Variants in KLF12 observed in about 807,000 individuals in gnomAD.
KLF12 encodes Krueppel-like factor 12.
A neutral mutation model predicts 37.8 loss-of-function variants in KLF12; 9 were observed. The observed-to-expected ratio is 0.24, with a 90% confidence interval of 0.14 to 0.42. The LOEUF is 0.42. Among genes scored for constraint, KLF12 ranks in the 10% least tolerant of loss-of-function variants. The pLI, the probability that KLF12 is intolerant of heterozygous loss-of-function variation, is 1.00. For missense variants in KLF12, 411 were observed against 516.0 expected (o/e 0.80, Z 1.97); for synonymous variants, 208 against 202.1 (o/e 1.03, Z -0.25).
chr13:74,264,059 A>T, the KLF12 span, among the ~76,000 whole-genome samples: 1 of 152,222 alleles, frequency 6.6e-6, no homozygotes, highest in Non-Finnish European at 1.5e-5. Context: ...AAAAGCAGTG[A>T]AAATGCAGTT....
intron 2 of KLF12, among the ~76,000 whole-genome samples, chr13:73,960,899 A>T (rs920706480): frequency 1.3e-5 from 2 of 152,142 alleles, no homozygotes; most frequent in African/African-American, 2.4e-5. Context: ...CTAAGTATTT[A>T]GCATCCTTAA....
At chr13:74,068,605 G>A (rs1442334015) in intron 1 of KLF12, among the ~76,000 whole-genome samples, 1 of 147,266 alleles carries the variant, frequency 6.8e-6, no homozygotes, top group Non-Finnish European at 1.5e-5. Context: ...TGCCCAGGCT[G>A]GGGTGCAGTG....
chr13:74,164,086 G>A, the KLF12 span, among the ~76,000 whole-genome samples: 1 of 152,044 alleles, frequency 6.6e-6, no homozygotes, highest in African/African-American at 2.4e-5. Flanking sequence ...CAGTTTCTAT[G>A]TTTCCATTTG....
At chr13:73,998,018 A>T in intron 1 of KLF12, among the ~76,000 whole-genome samples, 1 of 152,176 alleles carries the variant, frequency 6.6e-6, no homozygotes, top group East Asian at 1.9e-4. Context: ...GCAATAGAGA[A>T]TGATTTTTAA....
chr13:74,020,026 A>C (rs572619175), intron 1 of KLF12, among the ~76,000 whole-genome samples: 53 of 152,378 alleles, frequency 3.5e-4, no homozygotes, highest in Middle Eastern at 3.4e-3. Context: ...CTGGGAAAGA[A>C]AAGAAGAAAA....
At chr13:73,818,507 T>C (rs973050039) in intron 4 of KLF12, among the ~76,000 whole-genome samples, 2 of 152,224 alleles carry the variant, frequency 1.3e-5, no homozygotes, top group African/African-American at 4.8e-5. Context: ...TAATTCATTC[T>C]CACCTCCCCT....
the KLF12 span, among the ~76,000 whole-genome samples, chr13:74,211,480 C>G: frequency 6.6e-6 from 1 of 152,226 alleles, no homozygotes; most frequent in South Asian, 2.1e-4. Flanking sequence ...TGAGGAAAGG[C>G]AGATAAATAG....
At chr13:73,831,699 C>A (rs1273431448) in intron 4 of KLF12, among the ~76,000 whole-genome samples, 1 of 151,964 alleles carries the variant, frequency 6.6e-6, no homozygotes, top group Non-Finnish European at 1.5e-5. Flanking sequence ...ACTTTTTTAC[C>A]CTCAGTGCCC....
intron 5 of KLF12, among the ~76,000 whole-genome samples, chr13:73,799,302 T>C (rs1292384309): frequency 1.3e-5 from 2 of 152,154 alleles, no homozygotes; most frequent in East Asian, 3.9e-4. Flanking sequence ...AGATAACTAT[T>C]GGGTACTGGG....
At chr13:74,261,215 T>C in the KLF12 span, among the ~76,000 whole-genome samples, 3 of 152,170 alleles carry the variant, frequency 2.0e-5, no homozygotes, top group Non-Finnish European at 4.4e-5. Flanking sequence ...AACAGAATAA[T>C]ATCAATAATC....
intron 1 of KLF12, among the ~76,000 whole-genome samples, chr13:74,001,144 T>C (rs1395631983): frequency 6.6e-6 from 1 of 152,210 alleles, no homozygotes; most frequent in Non-Finnish European, 1.5e-5. Context: ...CATTGCCAGA[T>C]GAAGAACACT....
At chr13:73,839,742 C>A (rs1039588049) in intron 4 of KLF12, among the ~76,000 whole-genome samples, 1 of 152,164 alleles carries the variant, frequency 6.6e-6, no homozygotes, top group Non-Finnish European at 1.5e-5. Flanking sequence ...AACACACCTG[C>A]ATCTTGCAGT....
chr13:74,240,058 G>A, the KLF12 span, among the ~76,000 whole-genome samples: 1 of 151,884 alleles, frequency 6.6e-6, no homozygotes, highest in Non-Finnish European at 1.5e-5. Context: ...TTACATTTTG[G>A]CACGATTTTG....
At chr13:73,784,497 T>G (rs1881184448) in intron 5 of KLF12, among the ~76,000 whole-genome samples, 1 of 147,730 alleles carries the variant, frequency 6.8e-6, no homozygotes, top group African/African-American at 2.5e-5. Flanking sequence ...GCGAACTTAC[T>G]TCAGTAACGA....
intron 5 of KLF12, among the ~76,000 whole-genome samples, chr13:73,782,069 T>C (rs868572052): frequency 1.3e-5 from 2 of 152,170 alleles, no homozygotes; most frequent in African/African-American, 2.4e-5. Context: ...TAAATCAGCA[T>C]AGAAACTTCA....
chr13:74,248,487 A>C, the KLF12 span, among the ~76,000 whole-genome samples: 1 of 152,246 alleles, frequency 6.6e-6, no homozygotes. Flanking sequence ...TAAAGAAACT[A>C]GGAGAAATAG....
intron 1 of KLF12, among the ~76,000 whole-genome samples, chr13:74,123,601 T>C (rs1877765171): frequency 6.6e-6 from 1 of 152,234 alleles, no homozygotes; most frequent in Admixed American, 6.5e-5. Context: ...GCACACTCTC[T>C]ATTCCAGGGT....
chr13:73,748,099 C>T (rs1224843621), intron 6 of KLF12, among the ~76,000 whole-genome samples: 1 of 152,136 alleles, frequency 6.6e-6, no homozygotes, highest in Non-Finnish European at 1.5e-5. Context: ...GGAGACTCGC[C>T]TCTATCACCA....
chr13:74,044,326 C>T (rs1893482957), intron 1 of KLF12, among the ~76,000 whole-genome samples: 1 of 152,082 alleles, frequency 6.6e-6, no homozygotes, highest in Admixed American at 6.5e-5. Flanking sequence ...AAACACACCC[C>T]GCACCCAGAT....
Sources: allele counts gnomAD v4.1 joint callset (sites outside exome capture counted in the v4.1 genomes callset), GRCh38; gene constraint gnomAD v4.1.1; transcripts MANE v1.5; gene names NCBI Gene and HGNC (gene_info 2026-07-23, HGNC 2026-07-21).